Variants in ACTN1 observed in about 807,000 individuals in gnomAD.
The protein encoded by ACTN1 is alpha-actinin-1.
A neutral mutation model predicts 119.6 loss-of-function variants in ACTN1; 30 were observed. That is an observed-to-expected ratio of 0.25 (90% CI 0.19 to 0.34). ACTN1 has a LOEUF of 0.34. ACTN1 is among the 10% of genes least tolerant of loss of function. The pLI is 1.00. For missense variants in ACTN1, 764 were observed against 1,223.4 expected (o/e 0.62, Z 5.60); for synonymous variants, 429 against 472.6 (o/e 0.91, Z 1.20).
rs977533079 is a variant in ACTN1, at chr14:68,882,800, A to C, written c.1818+73T>G. 3 of 1,566,562 alleles carry C rather than the reference A, an allele frequency of 1.9e-6. No homozygotes were observed. The highest frequency in any genetic ancestry group is 2.6e-6 in the Non-Finnish European group (3 of 1,147,606). ...GACAATTTTAAATGAAATTGACAAA[A>C]ATCAATTAAAATGGACAAAAATCCC... is the stretch of plus-strand genomic sequence containing the variant. On this transcript the variant is annotated intron_variant, in intron 15 of 21. Coordinates refer to ENST00000394419, the MANE Select transcript of ACTN1 (RefSeq NM_001130004.2). This position sits in a 1 kb window ranked among gnomAD's most constrained non-coding sequence, Gnocchi z 4.5.
rs773049918 is a variant in ACTN1, at chr14:68,885,588, A to G, written c.1235-13T>C. On this transcript the variant is annotated splice_polypyrimidine_tract_variant and intron_variant, in intron 11 of 21. Transcript: ENST00000394419. The surrounding 1 kb of genome is among the most constrained non-coding windows in gnomAD (Gnocchi z 5.6). ...ATGGCCTCTTTGCCTGGGTTGAGAG[A>G]GGGCCACATGGCTGAGCTGGAGTGA... 5.6e-6 allele frequency: 9 copies of G among 1,611,040 alleles called. No homozygotes were observed. Among genetic ancestry groups the G allele is most frequent in the Non-Finnish European group, 7.6e-6 (9 of 1,179,760 alleles).
At chr14:68,961,448 G>C (rs1235009739) in intron 1 of ACTN1, among the ~76,000 whole-genome samples, 2 of 152,172 alleles carry the variant, frequency 1.3e-5, no homozygotes, top group Non-Finnish European at 2.9e-5. Context: ...TTCTCAAATG[G>C]AAACAGAGGC....
intron 1 of ACTN1, among the ~76,000 whole-genome samples, chr14:68,950,462 G>GTGTGTGTGTGTGTGTGTGTATGTATC: frequency 7.9e-6 from 1 of 125,912 alleles, no homozygotes; most frequent in African/African-American, 4.1e-5. Flanking sequence ...ATGCGTGTGT[G>GTGTGTGTGTGTGTGTGTGTATGTATC]TATATATATA....
At chr14:68,906,284 G>T (rs2033665304) in intron 6 of ACTN1, among the ~76,000 whole-genome samples, 1 of 152,128 alleles carries the variant, frequency 6.6e-6, no homozygotes, top group Non-Finnish European at 1.5e-5. Flanking sequence ...TAATGCAGAG[G>T]ATAAAAAACC....
intron 3 of ACTN1, among the ~76,000 whole-genome samples, chr14:68,919,572 A>G (rs368078538): frequency 1.3e-5 from 2 of 152,342 alleles, no homozygotes; most frequent in African/African-American, 2.4e-5. Context: ...TGTGTGCATC[A>G]TGCTGCTAGG....
intron 3 of ACTN1, among the ~76,000 whole-genome samples, chr14:68,917,240 C>A (rs1288656864): frequency 1.3e-5 from 2 of 152,176 alleles, no homozygotes; most frequent in Admixed American, 1.3e-4. Flanking sequence ...TTGTCTCCAG[C>A]CTTCATGTGC....
At chr14:68,897,072 T>C (rs1159618391) in intron 8 of ACTN1, among the ~76,000 whole-genome samples, 6 of 152,172 alleles carry the variant, frequency 3.9e-5, no homozygotes, top group Non-Finnish European at 5.9e-5. Flanking sequence ...AACCTCTGCC[T>C]CCAAGGTTCA....
At chr14:68,911,207 CT>C (rs1181191633) in intron 4 of ACTN1, among the ~76,000 whole-genome samples, 4 of 152,194 alleles carry the variant, frequency 2.6e-5, no homozygotes, top group Non-Finnish European at 5.9e-5. Context: ...GCTAATGCTT[CT>C]ACTTAGCTTA....
At chr14:68,978,391 G>A in intron 1 of ACTN1, 1 of 376,496 alleles carries the variant, frequency 2.7e-6, no homozygotes, top group Non-Finnish European at 5.3e-6. Context: ...CACTCCAGCT[G>A]GTCCTTCTCC....
chr14:68,892,308 A>C, intron 9 of ACTN1, 25 bp from the exon 10 acceptor site: 7 of 1,582,760 alleles, frequency 4.4e-6, no homozygotes, highest in Non-Finnish European at 6.0e-6. Flanking sequence ...CGGTGGGGGC[A>C]GGAGGTGAGG....
At chr14:68,930,941 T>C (rs1483204749) in intron 1 of ACTN1, among the ~76,000 whole-genome samples, 3 of 152,172 alleles carry the variant, frequency 2.0e-5, no homozygotes, top group Non-Finnish European at 4.4e-5. Flanking sequence ...ACCATCCAAG[T>C]CAAACCTTGA....
intron 1 of ACTN1, among the ~76,000 whole-genome samples, chr14:68,931,417 G>C (rs147682606): frequency 1.3e-5 from 2 of 152,210 alleles, no homozygotes; most frequent in Non-Finnish European, 2.9e-5. Context: ...CCTTTGAGGG[G>C]AACTTTGGGA....
At chr14:68,974,869 G>A (rs1046663476) in intron 1 of ACTN1, among the ~76,000 whole-genome samples, 4 of 152,200 alleles carry the variant, frequency 2.6e-5, no homozygotes, top group Admixed American at 6.5e-5. Flanking sequence ...ACCCGACATA[G>A]CACATCTGTG....
intron 1 of ACTN1, among the ~76,000 whole-genome samples, chr14:68,966,114 A>G (rs10151419): frequency 0.79 from 120,756 of 152,070 alleles, 49,010 homozygotes; most frequent in East Asian, 1. Flanking sequence ...CTACTTGGGA[A>G]ACTGAGGTGG....
intron 1 of ACTN1, among the ~76,000 whole-genome samples, chr14:68,943,832 G>A (rs1415942043): frequency 6.6e-6 from 1 of 152,246 alleles, no homozygotes; most frequent in Non-Finnish European, 1.5e-5. Context: ...GCTGGCAAGA[G>A]GCAGAACTGA....
intron 1 of ACTN1, chr14:68,936,716 C>T (rs1247913202): frequency 1.1e-5 from 7 of 638,162 alleles, no homozygotes; most frequent in African/African-American, 1.8e-5. Context: ...GGGGCTTTGA[C>T]AAAGCCTATG....
chr14:68,876,991 G>T, intron 21 of ACTN1, 91 bp downstream of exon 21: 1 of 1,474,132 alleles, frequency 6.8e-7, no homozygotes. Context: ...AGGGGCGGTT[G>T]AGGAGTTCAT....
Position 68,874,415 on chromosome 14 carries a change from C to T in ACTN1, c.*444G>A, listed in dbSNP as rs1156626999. 6.5e-6 allele frequency: 1 copy of T among 154,170 alleles called. No individual in the cohort carries two copies. Among genetic ancestry groups the T allele is most frequent in the Non-Finnish European group, 1.4e-5 (1 of 69,286 alleles). The allele number at this position is 154,170 out of a possible 1,614,324, so 9.6% of individuals were successfully genotyped here. A position where few individuals can be genotyped will look rare whatever the true frequency, so the allele number is the denominator to read the frequency against. On this transcript the variant is annotated 3_prime_UTR_variant, in exon 22 of 22. Coordinates refer to ENST00000394419, the MANE Select transcript of ACTN1 (RefSeq NM_001130004.2). ...AATGTGCCTTTTGACAAGAGTACCC[C>T]CTACCCCGACTCCCACACCAAAATG...
At chr14:68,928,520 A>G (rs2035043202) in intron 1 of ACTN1, among the ~76,000 whole-genome samples, 1 of 152,312 alleles carries the variant, frequency 6.6e-6, no homozygotes. Context: ...TTCGGGACGC[A>G]TCAGAGCTGG....
Sources: allele counts gnomAD v4.1 joint callset (sites outside exome capture counted in the v4.1 genomes callset), GRCh38; gene constraint gnomAD v4.1.1; non-coding constraint Gnocchi (gnomAD v3.1); transcripts MANE v1.5; gene names NCBI Gene and HGNC (gene_info 2026-07-23, HGNC 2026-07-21).